Variants in CHSY3 observed in about 807,000 individuals in gnomAD.
CHSY3 encodes N-acetylgalactosaminyl-proteoglycan 3-beta-glucuronosyltransferase 3.
A neutral mutation model predicts 67.2 loss-of-function variants in CHSY3; 35 were observed. The ratio of observed to expected loss-of-function variants is 0.52; its 90% CI spans 0.40 to 0.69. CHSY3 has a LOEUF of 0.69. Ranked by LOEUF, CHSY3 falls within the 30% of genes least tolerant of loss-of-function variation. CHSY3 has a pLI of 0.00. For missense variants in CHSY3, 1,069 were observed against 1,138.5 expected (o/e 0.94, Z 0.88); for synonymous variants, 474 against 434.7 (o/e 1.09, Z -1.12).
chr5:130,165,305 G>C (rs761718115), intron 2 of CHSY3, among the ~76,000 whole-genome samples: 2 of 152,094 alleles, frequency 1.3e-5, no homozygotes, highest in Non-Finnish European at 2.9e-5. Context: ...AGATTCAAGA[G>C]ATCGGTAAAA....
At position 130,045,204 on chromosome 5, in the gene CHSY3, G is replaced by A. The variant is rs189188233; in HGVS notation, c.1086+136844G>A. On this transcript the variant is annotated intron_variant, in intron 2 of 2. Transcript: ENST00000305031. ...ATGAATTACAAATGGGAAAAGTAGA[G>A]TGAAAACACTCATCTTCACCTCCTG... is the stretch of plus-strand genomic sequence containing the variant. Among the ~76,000 whole-genome samples, 56 of 152,168 alleles carry A rather than the reference G, an allele frequency of 3.7e-4. 1 individual carries two copies. In the South Asian group the frequency reaches 7.1e-3, roughly 19 times the overall value.
At chr5:130,010,687 C>CA (rs1457000212) in intron 2 of CHSY3, among the ~76,000 whole-genome samples, 1 of 151,930 alleles carries the variant, frequency 6.6e-6, no homozygotes, top group East Asian at 1.9e-4. Context: ...AAAAAATCAA[C>CA]AAAACCAAAA....
At chr5:129,986,750 C>T (rs545128940) in intron 2 of CHSY3, among the ~76,000 whole-genome samples, 11 of 152,278 alleles carry the variant, frequency 7.2e-5, no homozygotes, top group African/African-American at 2.4e-4. Context: ...CCAAACAATT[C>T]TCCTGCCCCA....
intron 2 of CHSY3, among the ~76,000 whole-genome samples, chr5:130,153,835 TA>T (rs1288630187): frequency 2.0e-5 from 3 of 152,190 alleles, no homozygotes; most frequent in Admixed American, 6.5e-5. Flanking sequence ...TTGTTTGTTT[TA>T]TTTTTTTTCT....
intron 2 of CHSY3, among the ~76,000 whole-genome samples, chr5:130,144,811 A>G (rs1173757300): frequency 6.6e-6 from 1 of 152,210 alleles, no homozygotes; most frequent in Non-Finnish European, 1.5e-5. Context: ...ATTGCTATCA[A>G]GAAATATCTG....
chr5:130,020,468 T>TTTA (rs1764356743), intron 2 of CHSY3, among the ~76,000 whole-genome samples: 1 of 88,424 alleles, frequency 1.1e-5, no homozygotes, highest in Non-Finnish European at 2.2e-5. Flanking sequence ...TATATTTTTT[T>TTTA]TTTTTTTTTT....
Position 129,985,340 on chromosome 5 carries a change from G to A in CHSY3, c.1086+76980G>A, listed in dbSNP as rs541128431. Among the ~76,000 whole-genome samples the A allele has an allele frequency of 5.1e-4, 78 of 152,182 alleles. 1 individual carries two copies. The highest frequency in any genetic ancestry group is 3.1e-3 in the South Asian group (15 of 4,824). On this transcript the variant is annotated intron_variant, in intron 2 of 2. Transcript: ENST00000305031. ...TTGAAGATCAGATGGTTATAGGTGC[G>A]TAGCTTTATTTCTGGGTTCTCTAAC...
chr5:130,088,916 C>T (rs560243654), intron 2 of CHSY3, among the ~76,000 whole-genome samples: 68 of 152,014 alleles, frequency 4.5e-4, no homozygotes, highest in African/African-American at 1.3e-3. Flanking sequence ...TAAAGACACA[C>T]GCACACGTAT....
intron 2 of CHSY3, among the ~76,000 whole-genome samples, chr5:130,086,182 G>A (rs1161803686): frequency 6.6e-5 from 10 of 151,966 alleles, no homozygotes; most frequent in East Asian, 1.9e-4. Context: ...TTTCTGTCTC[G>A]TTGATCTGTC....
chr5:130,062,582 G>A (rs575098353), intron 2 of CHSY3, among the ~76,000 whole-genome samples: 6 of 151,936 alleles, frequency 3.9e-5, no homozygotes, highest in Non-Finnish European at 7.4e-5. Flanking sequence ...ACTTGTTTTC[G>A]TACTTTAAGT....
intron 2 of CHSY3, chr5:130,141,987 G>A (rs1210805293): frequency 5.7e-6 from 1 of 174,076 alleles, no homozygotes; most frequent in Non-Finnish European, 1.2e-5. Context: ...GTTCCACAAA[G>A]TTAAAACATT....
chr5:130,089,579 A>C (rs1270827508), intron 2 of CHSY3, among the ~76,000 whole-genome samples: 1 of 152,126 alleles, frequency 6.6e-6, no homozygotes, highest in African/African-American at 2.4e-5. Context: ...TATTTGTGAC[A>C]GGAGAAACAC....
chr5:129,968,851 T>C (rs1762544013), intron 2 of CHSY3, among the ~76,000 whole-genome samples: 1 of 151,794 alleles, frequency 6.6e-6, no homozygotes, highest in African/African-American at 2.4e-5. Flanking sequence ...CTGAAATATG[T>C]GGGGGTATTT....
At chr5:130,143,569 G>T (rs1340455504) in intron 2 of CHSY3, among the ~76,000 whole-genome samples, 1 of 150,730 alleles carries the variant, frequency 6.6e-6, no homozygotes, top group Admixed American at 6.6e-5. Flanking sequence ...TTGATATTTG[G>T]GCCATTTCTA....
chr5:130,056,427 A>G (rs1765533734), intron 2 of CHSY3, among the ~76,000 whole-genome samples: 1 of 152,208 alleles, frequency 6.6e-6, no homozygotes, highest in Admixed American at 6.5e-5. Flanking sequence ...ATAGAATTGC[A>G]TTAGAATACT....
intron 2 of CHSY3, among the ~76,000 whole-genome samples, chr5:129,921,731 A>G (rs1760931474): frequency 6.6e-6 from 1 of 152,062 alleles, no homozygotes; most frequent in Admixed American, 6.5e-5. Context: ...TATGTGTTGT[A>G]TATATTTATA....
At position 130,184,822 on chromosome 5, in the gene CHSY3, T is replaced by A; in HGVS notation, c.1680T>A (p.His560Gln). 6.2e-7 allele frequency: 1 copy of A among 1,611,434 alleles called. No homozygotes were observed. The highest frequency in any genetic ancestry group is 8.5e-7 in the Non-Finnish European group (1 of 1,177,504). Residue 560 changes from histidine to glutamine, a missense_variant, in exon 3 of 3, where the codon CAT (histidine) becomes CAA (glutamine). Physicochemically the swap from His to Gln is conservative, Grantham distance 24 (BLOSUM62 0). This residue lies in a region of CHSY3 where 401 missense variants were observed against 395.2 expected (regional missense o/e 1.01). Transcript: ENST00000305031. The stretch of plus-strand genomic sequence containing the variant: ...AACTGACTGTGCCAGTGAGACGTCA[T>A]GCCTATCTTCAGCAGTTGTTCAGCA... The part of the protein sequence containing the change: ...GRKLTVPVRR[H>Q]AYLQQLFSKP...
At chr5:129,979,940 A>T (rs1261154575) in intron 2 of CHSY3, among the ~76,000 whole-genome samples, 1 of 152,124 alleles carries the variant, frequency 6.6e-6, no homozygotes, top group Non-Finnish European at 1.5e-5. Flanking sequence ...CATTTCTTTT[A>T]ATGATAGATA....
At chr5:130,149,416 T>C (rs2149723426) in intron 2 of CHSY3, among the ~76,000 whole-genome samples, 1 of 152,216 alleles carries the variant, frequency 6.6e-6, no homozygotes, top group East Asian at 1.9e-4. Context: ...GTACATCACA[T>C]GGTGAAAGCA....
Sources: allele counts gnomAD v4.1 joint callset (sites outside exome capture counted in the v4.1 genomes callset), GRCh38; gene constraint gnomAD v4.1.1; regional missense constraint gnomAD v4.1.1; transcripts MANE v1.5; gene names NCBI Gene and HGNC (gene_info 2026-07-23, HGNC 2026-07-21).